GABRG3: variants seen among roughly 807,000 people sequenced by gnomAD.
GABRG3 encodes the protein gamma-aminobutyric acid receptor subunit gamma-3.
Under a neutral mutation model 48.8 loss-of-function variants are expected in GABRG3, and 25 were observed. That is an observed-to-expected ratio of 0.51 (90% CI 0.37 to 0.72). The LOEUF (loss-of-function observed/expected upper bound fraction) is 0.72, where lower values mean the gene tolerates loss of function less well. Ranked by LOEUF, GABRG3 falls within the 30% of genes least tolerant of loss-of-function variation. The pLI is 0.00. For synonymous variants in GABRG3, 227 were observed against 217.6 expected (o/e 1.04, Z -0.38); for missense variants, 394 against 577.9 (o/e 0.68, Z 3.26).
At chr15:27,347,017 G>GTTTA (rs1555373648) in intron 5 of GABRG3, among the ~76,000 whole-genome samples, 14 of 151,744 alleles carry the variant, frequency 9.2e-5, no homozygotes, top group Admixed American at 8.5e-4. Flanking sequence ...ATGCCTTATA[G>GTTTA]TTTTTTAAAG....
At chr15:27,298,845 C>T (rs754903335) in intron 3 of GABRG3, among the ~76,000 whole-genome samples, 1 of 151,828 alleles carries the variant, frequency 6.6e-6, no homozygotes, top group Non-Finnish European at 1.5e-5. Flanking sequence ...TAGCCCCCCA[C>T]CCCCCAACAG....
chr15:27,508,807 A>G (rs990710407), intron 6 of GABRG3, among the ~76,000 whole-genome samples: 1 of 151,990 alleles, frequency 6.6e-6, no homozygotes, highest in Middle Eastern at 3.2e-3. Context: ...TCTGCCTCCC[A>G]GGTTCACGCC....
intron 3 of GABRG3, among the ~76,000 whole-genome samples, chr15:27,316,887 G>T (rs73363148): frequency 6.6e-6 from 1 of 150,674 alleles, no homozygotes; most frequent in African/African-American, 2.4e-5. Context: ...TTAAATATTT[G>T]CAGAGAATCT....
intron 3 of GABRG3, among the ~76,000 whole-genome samples, chr15:27,066,204 T>G (rs1302475985): frequency 6.6e-6 from 1 of 152,260 alleles, no homozygotes; most frequent in Non-Finnish European, 1.5e-5. Flanking sequence ...CTAATAGTAC[T>G]TACTATGATA....
At position 27,218,043 on chromosome 15, in the gene GABRG3, G is replaced by A. The variant is rs531164634; in HGVS notation, c.271-108766G>A. ...TCCGAACTGCAGGGGAGCTTCCCGC[G>A]CTGTCTCCCAGGCTGGAGTGCAACT... is the stretch of plus-strand genomic sequence containing the variant. On this transcript the variant is annotated intron_variant, in intron 3 of 9. Coordinates refer to ENST00000615808, the MANE Select transcript of GABRG3 (RefSeq NM_033223.5). Among the ~76,000 whole-genome samples the A allele has an allele frequency of 1.7e-4, 26 of 152,220 alleles. No homozygotes were observed. In the South Asian group the frequency reaches 2.7e-3, roughly 16 times the overall value.
At chr15:27,285,090 G>T (rs1410865732) in intron 3 of GABRG3, among the ~76,000 whole-genome samples, 1 of 152,144 alleles carries the variant, frequency 6.6e-6, no homozygotes, top group Non-Finnish European at 1.5e-5. Flanking sequence ...TTGCCTTGGA[G>T]ATTTTGTGAT....
chr15:27,500,669 G>A (rs1890601536), intron 6 of GABRG3, among the ~76,000 whole-genome samples: 1 of 152,088 alleles, frequency 6.6e-6, no homozygotes, highest in Admixed American at 6.5e-5. Flanking sequence ...AATGTATCCA[G>A]CCTACTCCAT....
chr15:27,085,928 T>A (rs1483417354), intron 3 of GABRG3, among the ~76,000 whole-genome samples: 1 of 152,220 alleles, frequency 6.6e-6, no homozygotes, highest in Non-Finnish European at 1.5e-5. Flanking sequence ...TAGTGACCTG[T>A]GTACTTTATA....
intron 3 of GABRG3, among the ~76,000 whole-genome samples, chr15:27,202,081 T>G (rs1888701673): frequency 6.6e-6 from 1 of 152,180 alleles, no homozygotes; most frequent in South Asian, 2.1e-4. Context: ...TTTCCCCATC[T>G]CCTCTCTGCT....
chr15:27,237,502 G>A (rs754949280), intron 3 of GABRG3, among the ~76,000 whole-genome samples: 14 of 152,208 alleles, frequency 9.2e-5, no homozygotes, highest in Non-Finnish European at 1.5e-4. Flanking sequence ...CAGCCGGGCA[G>A]CAGGACCTTG....
At chr15:27,243,254 C>G (rs914303274) in intron 3 of GABRG3, among the ~76,000 whole-genome samples, 13 of 152,124 alleles carry the variant, frequency 8.5e-5, no homozygotes, top group Admixed American at 2.0e-4. Context: ...GGAAGACACT[C>G]TAATGTTACC....
At chr15:27,132,471 G>GTTTTTTT (rs59023766) in intron 3 of GABRG3, among the ~76,000 whole-genome samples, 22 of 39,568 alleles carry the variant, frequency 5.6e-4, no homozygotes, top group African/African-American at 1.7e-3. Context: ...AGTAGTTACA[G>GTTTTTTT]TTTTTTTTTT....
At chr15:27,167,119 A>G (rs1887400610) in intron 3 of GABRG3, among the ~76,000 whole-genome samples, 2 of 152,116 alleles carry the variant, frequency 1.3e-5, no homozygotes, top group Admixed American at 1.3e-4. Context: ...GCTACTGCAC[A>G]CCGAAAGCTT....
intron 3 of GABRG3, among the ~76,000 whole-genome samples, chr15:27,065,386 A>G (rs1896720190): frequency 6.6e-6 from 1 of 152,184 alleles, no homozygotes; most frequent in Non-Finnish European, 1.5e-5. Context: ...TTACATTATT[A>G]TTGCAAGAAT....
intron 5 of GABRG3, chr15:27,364,627 C>T (rs934953086): frequency 6.6e-6 from 1 of 152,154 alleles, no homozygotes; most frequent in African/African-American, 2.4e-5. Context: ...TGAAAGTAGC[C>T]TTCATAGTAA....
At chr15:27,438,123 A>G (rs532508966) in intron 5 of GABRG3, among the ~76,000 whole-genome samples, 1 of 152,318 alleles carries the variant, frequency 6.6e-6, no homozygotes, top group South Asian at 2.1e-4. Flanking sequence ...CAGGGATCCA[A>G]GATGGGCTGC....
intron 3 of GABRG3, among the ~76,000 whole-genome samples, chr15:27,264,731 T>TGG (rs1890866969): frequency 6.6e-6 from 1 of 151,918 alleles, no homozygotes; most frequent in African/African-American, 2.4e-5. Context: ...ACCTTCAAAA[T>TGG]TATAAGCCAT....
intron 2 of GABRG3, among the ~76,000 whole-genome samples, chr15:27,020,595 T>C (rs1895873962): frequency 6.6e-6 from 1 of 151,982 alleles, no homozygotes; most frequent in South Asian, 2.1e-4. Context: ...TTTTTTGTAT[T>C]TTTAGCAGAG....
chr15:27,305,401 G>A (rs1000028200), intron 3 of GABRG3, among the ~76,000 whole-genome samples: 1 of 150,386 alleles, frequency 6.6e-6, no homozygotes, highest in Non-Finnish European at 1.5e-5. Flanking sequence ...TGTCTTCAAG[G>A]AATAGAAGAC....
Sources: allele counts gnomAD v4.1 joint callset (sites outside exome capture counted in the v4.1 genomes callset), GRCh38; gene constraint gnomAD v4.1.1; transcripts MANE v1.5; gene names NCBI Gene and HGNC (gene_info 2026-07-23, HGNC 2026-07-21).